ZNF106: variants seen among roughly 807,000 people sequenced by gnomAD.
The protein encoded by ZNF106 is SH3-domain binding protein 3.
Under a neutral mutation model 195.1 loss-of-function variants are expected in ZNF106, and 67 were observed. The observed-to-expected ratio is 0.34, with a 90% confidence interval of 0.28 to 0.42. ZNF106 has a LOEUF of 0.42. ZNF106 is among the 10% of genes least tolerant of loss of function. The pLI, the probability that ZNF106 is intolerant of heterozygous loss-of-function variation, is 1.00. For synonymous variants in ZNF106, 784 were observed against 818.6 expected, an observed-to-expected ratio of 0.96 and a Z score of 0.72; for missense variants, 2,118 against 2,304.5, an observed-to-expected ratio of 0.92 and a Z score of 1.66.
chr15:42,448,430 C>G lies in ZNF106; in HGVS notation c.2777G>C (p.Ser926Thr). The G allele has an allele frequency of 6.2e-7, 1 of 1,614,150 alleles. No individual in the cohort carries two copies. The highest frequency in any genetic ancestry group is 8.5e-7 in the Non-Finnish European group (1 of 1,180,030). The change falls in exon 6 of 22, where the codon AGC (serine) becomes ACC (threonine). Residue 926 changes from serine to threonine, a missense_variant. Transcript: ENST00000564754. Reference sequence around the variant, plus strand: ...TTTGAGGTGCATGGTTGCTTTCTGGCTCTGTCCAGCCCTCAATGAGTTACT... The same window carrying G: ...TTTGAGGTGCATGGTTGCTTTCTGGGTCTGTCCAGCCCTCAATGAGTTACT... ...SPSNSLRAGQ[S>T]QKATMHLKQE...
At chr15:42,417,648 A>G (rs191956444) in intron 21 of ZNF106, among the ~76,000 whole-genome samples, 157 bp downstream of exon 21, 1 of 152,302 alleles carries the variant, frequency 6.6e-6, no homozygotes, top group East Asian at 1.9e-4. Context: ...TTCATTTGCA[A>G]CTTCATTAAG....
At chr15:42,424,260 AT>A (rs2054772469) in intron 16 of ZNF106, 200 bp from the exon 17 acceptor site, 2 of 538,610 alleles carry the variant, frequency 3.7e-6, no homozygotes, top group Non-Finnish European at 6.6e-6. Flanking sequence ...CTGACAATGT[AT>A]TATTACGTTT....
At chr15:42,424,159 T>C (rs971522746) in intron 16 of ZNF106, 99 bp from the exon 17 acceptor site, 3 of 1,029,734 alleles carry the variant, frequency 2.9e-6, no homozygotes. Context: ...CCATCCTATT[T>C]TGAGATGAGC....
At chr15:42,431,796 T>TA (rs1189826143) in intron 14 of ZNF106, among the ~76,000 whole-genome samples, 3 of 152,010 alleles carry the variant, frequency 2.0e-5, no homozygotes, top group Admixed American at 2.0e-4. Context: ...GTATTTTTAG[T>TA]AGAGATGTGG....
rs1183579107 is a variant in ZNF106, at chr15:42,464,491, T to C, written c.116+1562A>G. On this transcript the variant is annotated intron_variant, in intron 3 of 21. Transcript: ENST00000564754. The stretch of plus-strand genomic sequence containing the variant: ...CAAATACATCAAAATAAATCACAAA[T>C]AGACCAAAGACATGGAATATACACA... 2.7e-5 allele frequency among the ~76,000 whole-genome samples: 4 copies of C among 149,342 alleles called. 1 individual carries two copies. Among genetic ancestry groups the C allele is most frequent in the Admixed American group, 1.3e-4 (2 of 14,920 alleles).
At chr15:42,481,673 G>A (rs564396753) in intron 1 of ZNF106, among the ~76,000 whole-genome samples, 7 of 152,124 alleles carry the variant, frequency 4.6e-5, no homozygotes, top group African/African-American at 1.4e-4. Context: ...ATTCTTTCTT[G>A]AAGGCTATTC....
intron 20 of ZNF106, among the ~76,000 whole-genome samples, chr15:42,419,279 A>T (rs959508878): frequency 6.6e-6 from 1 of 152,116 alleles, no homozygotes; most frequent in African/African-American, 2.4e-5. Context: ...AGGCAGGAGA[A>T]TCGCTGGAAC....
intron 4 of ZNF106, among the ~76,000 whole-genome samples, chr15:42,454,408 C>A (rs2056158268): frequency 6.6e-6 from 1 of 152,116 alleles, no homozygotes; most frequent in Non-Finnish European, 1.5e-5. Context: ...CTCAGCTATA[C>A]TGATATGATC....
chr15:42,478,098 A>G (rs2141439748), intron 1 of ZNF106, among the ~76,000 whole-genome samples: 1 of 151,972 alleles, frequency 6.6e-6, no homozygotes, highest in South Asian at 2.1e-4. Flanking sequence ...TCTCAAAAAA[A>G]AAGACAAAAA....
At chr15:42,490,794 CA>C (rs2141481030) in intron 1 of ZNF106, among the ~76,000 whole-genome samples, 185 bp downstream of exon 1, 1 of 152,316 alleles carries the variant, frequency 6.6e-6, no homozygotes, top group East Asian at 1.9e-4. Flanking sequence ...CCGAAGCCAG[CA>C]GCACCGCCTG....
intron 3 of ZNF106, among the ~76,000 whole-genome samples, chr15:42,463,092 C>A (rs1388830681): frequency 1.3e-5 from 2 of 152,062 alleles, no homozygotes; most frequent in Non-Finnish European, 2.9e-5. Flanking sequence ...AGCACCGCGG[C>A]CGGCCCAAAC....
At position 42,450,367 on chromosome 15, in the gene ZNF106, T is replaced by C. The variant is rs757304367; in HGVS notation, c.1905A>G (p.Thr635=). The C allele has an allele frequency of 2.7e-5, 43 of 1,614,108 alleles. No homozygotes were observed. The highest frequency in any genetic ancestry group is 3.6e-5 in the Non-Finnish European group (42 of 1,180,044). ...TKIGTLGSAT[T]ELLSGSTRTA... ...TTCGAGTGCTGCCAGATAACAATTC[T>C]GTAGTTGCAGAACCTAGGGTTCCAA... Residue 635 remains threonine, a synonymous_variant, in exon 5 of 22, where the codon ACA becomes ACG. Transcript: ENST00000564754.
chr15:42,451,902 G>T lies in ZNF106; in HGVS notation c.370C>A (p.Pro124Thr), dbSNP rs142950277. ...ATTCGGTCTTCTCGTCTCCATTGGG[G>T]TCGTCTGTCATCAGAGTTTATTTCT... ...NQEINSDDRR[P>T]QWRREDRIPY... Residue 124 changes from proline to threonine, a missense_variant, in exon 5 of 22, where the codon CCC becomes ACC. Coordinates refer to ENST00000564754, the MANE Select transcript of ZNF106 (RefSeq NM_001366845.3). 1 of 1,614,090 alleles carries T rather than the reference G, an allele frequency of 6.2e-7. No homozygotes were observed. Among genetic ancestry groups the T allele is most frequent in the African/African-American group, 1.3e-5 (1 of 75,036 alleles).
At position 42,444,184 on chromosome 15, in the gene ZNF106, C is replaced by T; in HGVS notation, c.3421+18G>A. 2 of 1,483,580 alleles carry T rather than the reference C, an allele frequency of 1.3e-6. No individual in the cohort carries two copies. The highest frequency in any genetic ancestry group is 1.2e-5 in the South Asian group (1 of 86,678). The allele number at this position is 1,483,580 out of a possible 1,614,324, so 91.9% of individuals were successfully genotyped here. On this transcript the variant is annotated intron_variant, in intron 9 of 21. Coordinates refer to ENST00000564754, the MANE Select transcript of ZNF106 (RefSeq NM_001366845.3). ...ACACGCTATAGAGGGCCCAATCCAT[C>T]AGATGCCCTCTGAATACCTTGTAAT...
At position 42,439,349 on chromosome 15, in the gene ZNF106, C is replaced by G. The variant is rs201149585; in HGVS notation, c.4228G>C (p.Ala1410Pro). ...LTVKPVRKVK[A>P]GKLIKGGKVT... ...TTCCCCCCTTTAATTAACTTTCCAG[C>G]TTTTACTTTCCTTACAGGTTTAACA... Residue 1410 changes from alanine to proline, a missense_variant, in exon 11 of 22, where the codon GCT becomes CCT. Physicochemically the swap from Ala to Pro is conservative, Grantham distance 27. Transcript: ENST00000564754. The G allele has an allele frequency of 2.7e-5, 44 of 1,613,986 alleles. No individual in the cohort carries two copies. Among genetic ancestry groups the G allele is most frequent in the Non-Finnish European group, 3.4e-5 (40 of 1,180,048 alleles).
intron 14 of ZNF106, among the ~76,000 whole-genome samples, chr15:42,429,071 A>G (rs1400551762): frequency 2.6e-5 from 4 of 151,474 alleles, no homozygotes; most frequent in South Asian, 4.2e-4. Flanking sequence ...ATTTCTACCA[A>G]TTTCCTCCAA....
At chr15:42,429,070 A>G (rs2054962132) in intron 14 of ZNF106, among the ~76,000 whole-genome samples, 1 of 151,448 alleles carries the variant, frequency 6.6e-6, no homozygotes, top group African/African-American at 2.4e-5. Flanking sequence ...GATTTCTACC[A>G]ATTTCCTCCA....
At chr15:42,421,267 G>T in intron 19 of ZNF106, 135 bp from the exon 20 acceptor site, 2 of 778,634 alleles carry the variant, frequency 2.6e-6, no homozygotes, top group South Asian at 3.1e-5. Context: ...TCCAGAGCAG[G>T]AGAATGGGAA....
chr15:42,487,789 A>T (rs143773870), intron 1 of ZNF106, among the ~76,000 whole-genome samples: 1 of 152,136 alleles, frequency 6.6e-6, no homozygotes, highest in African/African-American at 2.4e-5. Flanking sequence ...ACAATAACTC[A>T]TTTCCCCCTC....
Sources: gnomAD v4.1 joint callset for allele counts (sites outside exome capture counted in the v4.1 genomes callset) on GRCh38, gnomAD v4.1.1 for gene constraint, MANE v1.5 for transcripts, NCBI Gene and HGNC (gene_info 2026-07-23, HGNC 2026-07-21) for gene names.